Variants in ATRNL1 observed in about 807,000 individuals in gnomAD.
The protein encoded by ATRNL1 is attractin like 1.
A neutral mutation model predicts 182.7 loss-of-function variants in ATRNL1; 95 were observed. That is an observed-to-expected ratio of 0.52 (90% CI 0.44 to 0.62). The LOEUF (loss-of-function observed/expected upper bound fraction) is 0.62. Among genes scored for constraint, ATRNL1 ranks in the 20% least tolerant of loss-of-function variants. The pLI is 0.00. For missense variants in ATRNL1, 1,471 were observed against 1,679.5 expected, an observed-to-expected ratio of 0.88 and a Z score of 2.17; for synonymous variants, 576 against 568.3, an observed-to-expected ratio of 1.01 and a Z score of -0.19.
At chr10:115,757,104 G>A (rs921768606) in intron 27 of ATRNL1, among the ~76,000 whole-genome samples, 3 of 152,008 alleles carry the variant, frequency 2.0e-5, no homozygotes, top group Non-Finnish European at 4.4e-5. Flanking sequence ...GGTCTTGACT[G>A]TTTATCCAAT....
chr10:115,401,218 A>C (rs1422533314), intron 20 of ATRNL1, among the ~76,000 whole-genome samples: 1 of 152,082 alleles, frequency 6.6e-6, no homozygotes, highest in African/African-American at 2.4e-5. Flanking sequence ...GAGACCAGGA[A>C]ATAAATAAAA....
chr10:115,617,433 C>T (rs1305608198), intron 26 of ATRNL1, among the ~76,000 whole-genome samples: 1 of 151,950 alleles, frequency 6.6e-6, no homozygotes, highest in South Asian at 2.1e-4. Context: ...AATTGCGGCT[C>T]ACTGCAACAT....
chr10:115,231,244 A>G (rs183417696), intron 9 of ATRNL1, among the ~76,000 whole-genome samples: 1 of 152,282 alleles, frequency 6.6e-6, no homozygotes, highest in African/African-American at 2.4e-5. Flanking sequence ...ATGGTATTCT[A>G]GAAGCCAAGA....
intron 10 of ATRNL1, among the ~76,000 whole-genome samples, chr10:115,259,573 G>A (rs113802774): frequency 2.0e-4 from 30 of 152,264 alleles, no homozygotes; most frequent in African/African-American, 7.0e-4. Flanking sequence ...TGTGCTTCCC[G>A]GGTGAGGTGA....
At chr10:115,580,340 T>C (rs577113857) in intron 26 of ATRNL1, among the ~76,000 whole-genome samples, 1 of 152,218 alleles carries the variant, frequency 6.6e-6, no homozygotes, top group Non-Finnish European at 1.5e-5. Context: ...GTCTTTATCT[T>C]CCCTTTGTTT....
At position 115,587,255 on chromosome 10, in the gene ATRNL1, C is replaced by G. The variant is rs899485683; in HGVS notation, c.3795+37719C>G. ...AGGTGGAGCCTACAGAGACAGGCAG[C>G]CCTCCTTGAGCTGTGGTGGGCTCCA... On this transcript the variant is annotated intron_variant, in intron 26 of 28. Transcript: ENST00000355044. 6.3e-3 allele frequency among the ~76,000 whole-genome samples: 951 copies of G among 152,040 alleles called. 1 individual carries two copies. The highest frequency in any genetic ancestry group is 7.6e-3 in the Non-Finnish European group (518 of 67,918).
chr10:115,576,293 T>C (rs1032108308), intron 26 of ATRNL1, among the ~76,000 whole-genome samples: 35 of 152,090 alleles, frequency 2.3e-4, no homozygotes, highest in African/African-American at 8.2e-4. Context: ...AATTCTTTTT[T>C]TCATTTTTTG....
At chr10:115,885,546 C>T (rs1951923896) in intron 28 of ATRNL1, among the ~76,000 whole-genome samples, 2 of 152,194 alleles carry the variant, frequency 1.3e-5, no homozygotes, top group Admixed American at 6.5e-5. Flanking sequence ...CATCTGATCA[C>T]AATGCTAACA....
chr10:115,605,963 A>G (rs1856852079), intron 26 of ATRNL1, among the ~76,000 whole-genome samples: 1 of 152,032 alleles, frequency 6.6e-6, no homozygotes, highest in South Asian at 2.1e-4. Context: ...TTACTATATC[A>G]GTAAGAAAGA....
intron 17 of ATRNL1, among the ~76,000 whole-genome samples, chr10:115,308,006 G>C (rs1025201736): frequency 6.6e-6 from 1 of 151,978 alleles, no homozygotes; most frequent in African/African-American, 2.4e-5. Context: ...ACAAAACTTT[G>C]TATTGGAAGT....
At chr10:115,125,876 G>A (rs1844949780) in intron 3 of ATRNL1, among the ~76,000 whole-genome samples, 1 of 152,002 alleles carries the variant, frequency 6.6e-6, no homozygotes, top group Non-Finnish European at 1.5e-5. Flanking sequence ...TGCCAATAGG[G>A]TAAATGACCT....
At chr10:115,685,181 A>G (rs147559399) in intron 26 of ATRNL1, among the ~76,000 whole-genome samples, 215 of 151,910 alleles carry the variant, frequency 1.4e-3, no homozygotes, top group Non-Finnish European at 2.6e-3. Context: ...GATGTCTTCC[A>G]CAAAATTATT....
chr10:115,651,354 C>T (rs1859990281), intron 26 of ATRNL1, among the ~76,000 whole-genome samples: 1 of 152,000 alleles, frequency 6.6e-6, no homozygotes, highest in Non-Finnish European at 1.5e-5. Context: ...ACATATGCCC[C>T]TTAAATCTAA....
intron 28 of ATRNL1, among the ~76,000 whole-genome samples, chr10:115,894,419 G>A (rs184562327): frequency 2.3e-3 from 352 of 152,204 alleles, no homozygotes; most frequent in African/African-American, 7.8e-3. Context: ...GCTACATATA[G>A]ATGTAATGTA....
chr10:115,885,362 T>C (rs144134836), intron 28 of ATRNL1, among the ~76,000 whole-genome samples: 122 of 152,324 alleles, frequency 8.0e-4, no homozygotes, highest in Non-Finnish European at 1.5e-3. Context: ...TGGTTCATCT[T>C]ACCACCAGGG....
chr10:115,834,735 C>T (rs1950631344), intron 27 of ATRNL1, among the ~76,000 whole-genome samples: 1 of 152,130 alleles, frequency 6.6e-6, no homozygotes, highest in Non-Finnish European at 1.5e-5. Flanking sequence ...CTCACACCTT[C>T]CCCTACTACC....
intron 2 of ATRNL1, among the ~76,000 whole-genome samples, chr10:115,120,972 G>A (rs1844701609): frequency 6.6e-6 from 1 of 152,150 alleles, no homozygotes; most frequent in East Asian, 1.9e-4. Flanking sequence ...AAGAATAGTG[G>A]CTTCTTGAGT....
intron 26 of ATRNL1, among the ~76,000 whole-genome samples, chr10:115,707,150 T>C (rs1374601781): frequency 6.6e-6 from 1 of 151,818 alleles, no homozygotes; most frequent in Admixed American, 6.6e-5. Flanking sequence ...TGGCTACAAA[T>C]AAGGCAGCTT....
intron 5 of ATRNL1, among the ~76,000 whole-genome samples, chr10:115,149,464 A>G (rs1156926978): frequency 2.6e-5 from 4 of 152,012 alleles, no homozygotes; most frequent in Non-Finnish European, 5.9e-5. Context: ...GTATGATATT[A>G]ACTGTGGGTT....
Sources: allele counts gnomAD v4.1 joint callset (sites outside exome capture counted in the v4.1 genomes callset), GRCh38; gene constraint gnomAD v4.1.1; transcripts MANE v1.5; gene names NCBI Gene and HGNC (gene_info 2026-07-23, HGNC 2026-07-21).